Variants in CALN1 observed in about 807,000 individuals in gnomAD.
CALN1 encodes calneuron 1.
Under a neutral mutation model 30.6 loss-of-function variants are expected in CALN1, and 17 were observed. That is an observed-to-expected ratio of 0.56 (90% CI 0.38 to 0.83). The LOEUF (loss-of-function observed/expected upper bound fraction) is 0.83, where lower values mean the gene tolerates loss of function less well. Among genes scored for constraint, CALN1 ranks in the 40% least tolerant of loss-of-function variants. The probability of loss-of-function intolerance (pLI) is 0.00; values close to 1 mark genes in which losing one functional copy is unlikely to be tolerated. For synonymous variants in CALN1, 156 were observed against 131.4 expected (o/e 1.19, Z -1.28); for missense variants, 291 against 354.9 (o/e 0.82, Z 1.45).
intron 2 of CALN1, among the ~76,000 whole-genome samples, chr7:72,335,174 A>T (rs10256498): frequency 0.2 from 29,683 of 152,020 alleles, 3,784 homozygotes; most frequent in East Asian, 0.4. Flanking sequence ...CCCCACAAAA[A>T]ATGAAATAAA....
chr7:71,950,552 C>T (rs1004223588), intron 5 of CALN1, among the ~76,000 whole-genome samples: 3 of 152,184 alleles, frequency 2.0e-5, no homozygotes, highest in Non-Finnish European at 4.4e-5. Flanking sequence ...CCCCACCACT[C>T]TGGCCCCAAA....
chr7:72,331,966 G>A (rs1021572521), intron 2 of CALN1, among the ~76,000 whole-genome samples: 1 of 152,124 alleles, frequency 6.6e-6, no homozygotes, highest in Non-Finnish European at 1.5e-5. Context: ...TTGATTTTCA[G>A]TTCCTGCGTT....
In CALN1 at chr7:71,870,571, G is replaced by T. The variant is rs1791864523; in HGVS notation, c.502-60079C>A. On this transcript the variant is annotated intron_variant, in intron 5 of 6. Coordinates refer to ENST00000395275, the MANE Select transcript of CALN1 (RefSeq NM_031468.4). ...TACAATTAGTGGCTGTCTTTGAATA[G>T]TAGAATTGTTTTTTTCCCTCCTTCC... Among the ~76,000 whole-genome samples the T allele has an allele frequency of 3.9e-5, 6 of 152,258 alleles. No homozygotes were observed. The South Asian group carries it at 1.2e-3, about 32-fold the overall frequency.
rs567877419 is a variant in CALN1, at chr7:72,010,150, T to C, written c.501+13507A>G. Among the ~76,000 whole-genome samples, 41 of 152,258 alleles carry C rather than the reference T, an allele frequency of 2.7e-4. No individual in the cohort carries two copies. In the South Asian group the frequency reaches 7.5e-3, roughly 28 times the overall value. ...GCTGTCTGTGTTTTCCCAAAATTCA[T>C]ATACTGAAATCCTAACCCCCATTGT... On this transcript the variant is annotated intron_variant, in intron 5 of 6. Coordinates refer to ENST00000395275, the MANE Select transcript of CALN1 (RefSeq NM_031468.4).
rs994987138 is a variant in CALN1 at position 71,806,080 on chromosome 7, G to C, written c.658+4256C>G. ...GTGGGGGATGGAGAGGAGAGCATCAGGAAAAATAGCTAATGCATGCTGGCT... is the reference window on the plus strand; with the variant it reads ...GTGGGGGATGGAGAGGAGAGCATCACGAAAAATAGCTAATGCATGCTGGCT... On this transcript the variant is annotated intron_variant, in intron 6 of 6. Transcript: ENST00000395275. Among the ~76,000 whole-genome samples, 2 of 152,160 alleles carry C rather than the reference G, an allele frequency of 1.3e-5. 1 individual carries two copies. The highest frequency in any genetic ancestry group is 2.9e-5 in the Non-Finnish European group (2 of 68,042).
intron 5 of CALN1, among the ~76,000 whole-genome samples, chr7:71,905,119 A>G (rs1405419998): frequency 6.6e-6 from 1 of 152,040 alleles, no homozygotes; most frequent in Non-Finnish European, 1.5e-5. Flanking sequence ...TTGTATTTTC[A>G]GTAGAGACGG....
intron 2 of CALN1, among the ~76,000 whole-genome samples, chr7:72,392,461 C>G (rs547744982): frequency 6.6e-6 from 1 of 152,124 alleles, no homozygotes; most frequent in African/African-American, 2.4e-5. Context: ...CTGAACGGTG[C>G]TGATGGGAGA....
chr7:72,306,836 CTT>C lies in CALN1; in HGVS notation c.120-28028_120-28027del, dbSNP rs199978804. The stretch of plus-strand genomic sequence containing the variant: ...CGTGGGCACCTGGTTCTCAGGACCT[CTT>C]GAGGGCTTTGTCTCGGGCCATGGTC... On this transcript the variant is annotated intron_variant, in intron 2 of 6. Coordinates refer to ENST00000395275, the MANE Select transcript of CALN1 (RefSeq NM_031468.4). 5.6e-4 allele frequency among the ~76,000 whole-genome samples: 86 copies of C among 152,220 alleles called. No homozygotes were observed. The East Asian group carries it at 0.016, about 29-fold the overall frequency.
intron 5 of CALN1, among the ~76,000 whole-genome samples, chr7:71,859,415 ATG>A (rs549439757): frequency 7.2e-5 from 11 of 152,192 alleles, no homozygotes; most frequent in Non-Finnish European, 1.5e-4. Context: ...CTTCATGTTG[ATG>A]TGTTTCTATC....
chr7:71,891,971 A>G (rs71551233), intron 5 of CALN1, among the ~76,000 whole-genome samples: 2 of 152,082 alleles, frequency 1.3e-5, no homozygotes, highest in East Asian at 3.9e-4. Context: ...AAAAAAAATA[A>G]CAAGTGCTAT....
At chr7:72,300,414 AC>A (rs1799175287) in intron 2 of CALN1, among the ~76,000 whole-genome samples, 1 of 151,862 alleles carries the variant, frequency 6.6e-6, no homozygotes. Context: ...ATGAACAACA[AC>A]AACAAAAAAG....
rs6963006 is a variant in CALN1 at position 71,810,382 on chromosome 7, C to G, written c.612G>C (p.Glu204Asp). ...AGTTCCCCGAGGTCTCATTCAGGCT[C>G]TCTTCCTCATTGATAATGATGTTCT... Reference protein sequence around the residue: ...DIENIIINEEESLNETSGNCQ... With the variant: ...DIENIIINEEDSLNETSGNCQ... Residue 204 changes from glutamate (E) to aspartate (D), a missense_variant, in exon 6 of 7, where the codon GAG (glutamate) becomes GAC (aspartate). Glu to Asp is a conservative substitution (Grantham distance 45). This residue lies in a region of CALN1 where 169 missense variants were observed against 251.7 expected (regional missense o/e 0.67). Coordinates refer to ENST00000395275, the MANE Select transcript of CALN1 (RefSeq NM_031468.4). The G allele has an allele frequency of 6.2e-7, 1 of 1,614,154 alleles. No individual in the cohort carries two copies. Among genetic ancestry groups the G allele is most frequent in the Non-Finnish European group, 8.5e-7 (1 of 1,180,028 alleles).
intron 3 of CALN1, among the ~76,000 whole-genome samples, chr7:72,205,746 A>G (rs1345777630): frequency 6.6e-6 from 1 of 151,224 alleles, no homozygotes; most frequent in Non-Finnish European, 1.5e-5. Context: ...TTGAAAAAGC[A>G]TTCCCAAATT....
chr7:72,401,347 G>A (rs1179185526), intron 2 of CALN1, among the ~76,000 whole-genome samples: 1 of 152,034 alleles, frequency 6.6e-6, no homozygotes, highest in Non-Finnish European at 1.5e-5. Context: ...CTTGACCACA[G>A]ATCTCCCTCC....
chr7:72,071,119 A>G (rs1470051038), intron 4 of CALN1, among the ~76,000 whole-genome samples: 1 of 152,190 alleles, frequency 6.6e-6, no homozygotes, highest in African/African-American at 2.4e-5. Flanking sequence ...ATTTCCATCA[A>G]TTTCAGCTCT....
intron 2 of CALN1, among the ~76,000 whole-genome samples, chr7:72,312,207 C>CT (rs1431491893): frequency 1.2e-4 from 18 of 151,954 alleles, no homozygotes; most frequent in Non-Finnish European, 2.2e-4. Flanking sequence ...AGTTCGAGAC[C>CT]AGCCTAGCCA....
chr7:71,948,273 C>T (rs1320636823), intron 5 of CALN1, among the ~76,000 whole-genome samples: 1 of 152,086 alleles, frequency 6.6e-6, no homozygotes, highest in Non-Finnish European at 1.5e-5. Flanking sequence ...TTCCCTTGCC[C>T]AGGCAGCAAA....
At chr7:71,797,855 T>C (rs1190352732) in intron 6 of CALN1, among the ~76,000 whole-genome samples, 1 of 152,156 alleles carries the variant, frequency 6.6e-6, no homozygotes, top group Non-Finnish European at 1.5e-5. Flanking sequence ...GCAAACCAGG[T>C]TGACCAGGTG....
At chr7:72,038,726 G>A (rs1351813918) in intron 4 of CALN1, among the ~76,000 whole-genome samples, 5 of 152,148 alleles carry the variant, frequency 3.3e-5, no homozygotes, top group East Asian at 1.9e-4. Flanking sequence ...AGATGGCAAC[G>A]AGAGTGACCT....
Sources: allele counts gnomAD v4.1 joint callset (sites outside exome capture counted in the v4.1 genomes callset), GRCh38; gene constraint gnomAD v4.1.1; regional missense constraint gnomAD v4.1.1; transcripts MANE v1.5; gene names NCBI Gene and HGNC (gene_info 2026-07-23, HGNC 2026-07-21).